TRHDE: variants seen among roughly 807,000 people sequenced by gnomAD.
TRHDE encodes the protein thyrotropin releasing hormone degrading enzyme.
A neutral mutation model predicts 125.7 loss-of-function variants in TRHDE; 72 were observed. The ratio of observed to expected loss-of-function variants is 0.57; its 90% CI spans 0.47 to 0.70. The LOEUF (loss-of-function observed/expected upper bound fraction) is 0.70. Ranked by LOEUF, TRHDE falls within the 30% of genes least tolerant of loss-of-function variation. The pLI is 0.00. For missense variants in TRHDE, 1,110 were observed against 1,327.1 expected, an observed-to-expected ratio of 0.84 and a Z score of 2.54; for synonymous variants, 509 against 509.1, an observed-to-expected ratio of 1.00 and a Z score of 0.00.
At chr12:72,579,576 A>G (rs986334559) in intron 12 of TRHDE, among the ~76,000 whole-genome samples, 3 of 152,116 alleles carry the variant, frequency 2.0e-5, no homozygotes, top group African/African-American at 7.2e-5. Flanking sequence ...AATTATTTTT[A>G]AGCTTTGTGG....
chr12:72,258,243 G>T (rs2139392194), intron 2 of TRHDE: 1 of 152,248 alleles, frequency 6.6e-6, no homozygotes, highest in Admixed American at 6.5e-5. Flanking sequence ...AGTGCAGAAG[G>T]TATTCTCAAA....
chr12:72,540,533 A>G (rs1488251545), intron 6 of TRHDE, among the ~76,000 whole-genome samples: 1 of 151,760 alleles, frequency 6.6e-6, no homozygotes, highest in Non-Finnish European at 1.5e-5. Context: ...ATGGCTATTC[A>G]GTGCTGAAGG....
chr12:72,273,721 C>T lies in TRHDE; in HGVS notation c.914+164C>T, dbSNP rs1879361584. The T allele has an allele frequency of 1.6e-6, 1 of 627,064 alleles. No homozygotes were observed. Among genetic ancestry groups the T allele is most frequent in the Non-Finnish European group, 2.7e-6 (1 of 369,300 alleles). The allele number at this position is 627,064 out of a possible 1,614,324, so 38.8% of individuals were successfully genotyped here. On this transcript the variant is annotated intron_variant, in intron 1 of 18. Coordinates refer to ENST00000261180, the MANE Select transcript of TRHDE (RefSeq NM_013381.3). The surrounding 1 kb of genome is among the most constrained non-coding windows in gnomAD (Gnocchi z 5.3). ...TAGGGCAGTCAGAACTCCGGGGTCT[C>T]CCAGATGCCTCGGGGTCTCGCTGCC...
chr12:72,508,887 C>G (rs1878466617), intron 6 of TRHDE, among the ~76,000 whole-genome samples: 1 of 152,006 alleles, frequency 6.6e-6, no homozygotes, highest in African/African-American at 2.4e-5. Flanking sequence ...GTAGCACCTC[C>G]CCCTGCTCTT....
chr12:72,295,783 T>A lies in TRHDE; in HGVS notation c.1188+8829T>A, dbSNP rs1001263894. 5.4e-5 allele frequency among the ~76,000 whole-genome samples: 4 copies of A among 74,572 alleles called. No homozygotes were observed. The Admixed American group carries it at 7.2e-4, about 13-fold the overall frequency. 48.9% of individuals were successfully genotyped at this position (74,572 alleles called of 152,430 possible). On this transcript the variant is annotated intron_variant, in intron 2 of 18. Transcript: ENST00000261180. ...AGTATAGGTTAATGTATTCTAACCATGTATTCTATTTTTTTTTTAAATCAC... is the reference window on the plus strand; with the variant it reads ...AGTATAGGTTAATGTATTCTAACCAAGTATTCTATTTTTTTTTTAAATCAC...
chr12:72,509,266 C>G (rs1878483828), intron 6 of TRHDE, among the ~76,000 whole-genome samples: 1 of 151,640 alleles, frequency 6.6e-6, no homozygotes. Flanking sequence ...CCATAATAAC[C>G]ACCGCACCCC....
chr12:72,416,007 A>G (rs1403040642), intron 3 of TRHDE, among the ~76,000 whole-genome samples: 3 of 152,078 alleles, frequency 2.0e-5, no homozygotes, highest in Non-Finnish European at 4.4e-5. Context: ...TAAACAGTGT[A>G]TGAAGATTCC....
At chr12:72,604,163 A>C (rs1565807085) in intron 12 of TRHDE, among the ~76,000 whole-genome samples, 1 of 152,246 alleles carries the variant, frequency 6.6e-6, no homozygotes, top group Non-Finnish European at 1.5e-5. Flanking sequence ...TATAAAGTGT[A>C]AGTGTGCTTA....
intron 15 of TRHDE, among the ~76,000 whole-genome samples, chr12:72,651,284 AGCT>A (rs1874495034): frequency 6.6e-6 from 1 of 152,040 alleles, no homozygotes; most frequent in Non-Finnish European, 1.5e-5. Context: ...AGCCCTTCTT[AGCT>A]GCTTAACAAA....
chr12:72,528,714 C>A (rs1455515046), intron 6 of TRHDE, among the ~76,000 whole-genome samples: 1 of 151,972 alleles, frequency 6.6e-6, no homozygotes, highest in Non-Finnish European at 1.5e-5. Context: ...GTCTCGAACT[C>A]CTGATCTCGT....
rs371663304 is a variant in TRHDE, at chr12:72,638,076, G to A, written c.2676-14246G>A. ...GGTATCCTTGTTGACTTTCTGTCTC[G>A]TTGATCTGTCTAATGTTGACAGTGG... On this transcript the variant is annotated intron_variant, in intron 15 of 18. Coordinates refer to ENST00000261180, the MANE Select transcript of TRHDE (RefSeq NM_013381.3). Among the ~76,000 whole-genome samples, 267 of 147,336 alleles carry A rather than the reference G, an allele frequency of 1.8e-3. 3 individuals are homozygous for A. The highest frequency in any genetic ancestry group is 4.7e-3 in the African/African-American group (189 of 39,862).
intron 2 of TRHDE, among the ~76,000 whole-genome samples, chr12:72,307,983 T>A (rs1009009552): frequency 1.2e-4 from 18 of 152,186 alleles, no homozygotes; most frequent in African/African-American, 4.3e-4. Context: ...TTGTCATGCC[T>A]GTGTCTTTCA....
Position 72,471,880 on chromosome 12 carries a change from T to C in TRHDE, c.1471-1187T>C, listed in dbSNP as rs371717653. On this transcript the variant is annotated intron_variant, in intron 4 of 18. Coordinates refer to ENST00000261180, the MANE Select transcript of TRHDE (RefSeq NM_013381.3). The stretch of plus-strand genomic sequence containing the variant: ...GGTACTTGTCTGCCTTTCTGGACTC[T>C]TTCATGCTTTCCTCCTCCTGGTCCA... Among the ~76,000 whole-genome samples, 837 of 131,356 alleles carry C rather than the reference T, an allele frequency of 6.4e-3. 5 individuals carry two copies. The highest frequency in any genetic ancestry group is 0.023 in the African/African-American group (800 of 34,214). The allele number at this position is 131,356 out of a possible 152,430, so 86.2% of individuals were successfully genotyped here. A position where few individuals can be genotyped will look rare whatever the true frequency, so the allele number is the denominator to read the frequency against.
At chr12:72,462,325 G>T (rs1395122149) in intron 3 of TRHDE, among the ~76,000 whole-genome samples, 1 of 152,176 alleles carries the variant, frequency 6.6e-6, no homozygotes, top group Non-Finnish European at 1.5e-5. Context: ...TCTGTGAATC[G>T]GAAGGGAATG....
At chr12:72,595,589 C>T (rs1338338058) in intron 12 of TRHDE, among the ~76,000 whole-genome samples, 1 of 151,950 alleles carries the variant, frequency 6.6e-6, no homozygotes, top group African/African-American at 2.4e-5. Flanking sequence ...TATAATTGTT[C>T]CCTTTTTAAA....
At chr12:72,541,775 A>T (rs1344497451) in intron 6 of TRHDE, among the ~76,000 whole-genome samples, 2 of 151,444 alleles carry the variant, frequency 1.3e-5, no homozygotes, top group African/African-American at 4.8e-5. Context: ...CATGGTGAGT[A>T]AGTAGCAGAC....
At chr12:72,520,174 T>G (rs1389483445) in intron 6 of TRHDE, among the ~76,000 whole-genome samples, 1 of 152,220 alleles carries the variant, frequency 6.6e-6, no homozygotes, top group African/African-American at 2.4e-5. Flanking sequence ...TCCACCCAGT[T>G]CCAGCTTCCC....
At chr12:72,476,212 T>C (rs1265388825) in intron 5 of TRHDE, among the ~76,000 whole-genome samples, 2 of 152,222 alleles carry the variant, frequency 1.3e-5, no homozygotes, top group African/African-American at 2.4e-5. Flanking sequence ...TGTGTTTTTG[T>C]GTTCAGGTTA....
intron 2 of TRHDE, among the ~76,000 whole-genome samples, chr12:72,306,968 A>G (rs917603131): frequency 1.3e-5 from 2 of 152,126 alleles, no homozygotes; most frequent in African/African-American, 2.4e-5. Flanking sequence ...AGGCAGAGGA[A>G]TGCCTAGAAT....
Sources: gnomAD v4.1 joint callset for allele counts (sites outside exome capture counted in the v4.1 genomes callset) on GRCh38, gnomAD v4.1.1 for gene constraint, Gnocchi (gnomAD v3.1) non-coding constraint, MANE v1.5 for transcripts, NCBI Gene and HGNC (gene_info 2026-07-23, HGNC 2026-07-21) for gene names.